The following STAG2 variants were observed in gnomAD, a reference collection of about 807,000 sequenced individuals.
The protein encoded by STAG2 is STAG2 cohesin complex component.
A neutral mutation model predicts 108.1 loss-of-function variants in STAG2; 14 were observed. That is an observed-to-expected ratio of 0.13 (90% CI 0.09 to 0.20). The LOEUF (loss-of-function observed/expected upper bound fraction) is 0.20, where lower values mean the gene tolerates loss of function less well. STAG2 is among the 10% of genes least tolerant of loss of function. STAG2 has a pLI of 1.00. For missense variants in STAG2, 440 were observed against 940.9 expected (o/e 0.47, Z 6.96); for synonymous variants, 307 against 302.7 (o/e 1.01, Z -0.15).
intron 4 of STAG2, among the ~76,000 whole-genome samples, chrX:124,026,908 A>G (rs181837683): frequency 1.9e-3 from 214 of 109,795 alleles, no homozygotes; most frequent in African/African-American, 6.9e-3. Flanking sequence ...GTTTTTTTGG[A>G]GATGGGGTCT....
intron 34 of STAG2, 65 bp downstream of exon 34, chrX:124,095,514 A>T (rs2059356067): frequency 5.6e-6 from 5 of 897,314 alleles, no homozygotes; most frequent in Non-Finnish European, 8.1e-6. Context: ...TCTCAGTTTG[A>T]GGTTGAAGAC....
chrX:123,987,388 A>G (rs1351305938), intron 1 of STAG2, among the ~76,000 whole-genome samples: 2 of 111,025 alleles, frequency 1.8e-5, no homozygotes, highest in Non-Finnish European at 3.8e-5. Flanking sequence ...ACCTGGGACT[A>G]CAGGCATGCA....
chrX:123,968,498 A>G (rs2054208101), intron 1 of STAG2, among the ~76,000 whole-genome samples: 1 of 111,184 alleles, frequency 9.0e-6, no homozygotes, highest in Non-Finnish European at 1.9e-5. Context: ...CATCTCTACA[A>G]AAAAATTTAA....
At chrX:124,028,354 G>A (rs1474706852) in intron 4 of STAG2, among the ~76,000 whole-genome samples, 2 of 111,451 alleles carry the variant, frequency 1.8e-5, no homozygotes, top group Non-Finnish European at 3.8e-5. Context: ...GCGTGGATAT[G>A]CTGGACAAAG....
At chrX:123,985,651 A>T (rs1291669868) in intron 1 of STAG2, among the ~76,000 whole-genome samples, 1 of 108,967 alleles carries the variant, frequency 9.2e-6, no homozygotes, top group African/African-American at 3.4e-5. Flanking sequence ...GCTCACTGCA[A>T]CCTCAAACTC....
intron 5 of STAG2, among the ~76,000 whole-genome samples, chrX:124,032,426 T>C (rs2148074258): frequency 8.9e-6 from 1 of 111,753 alleles, no homozygotes; most frequent in African/African-American, 3.2e-5. Context: ...AAGGAGTATA[T>C]ATACTTAATA....
intron 1 of STAG2, among the ~76,000 whole-genome samples, chrX:124,001,958 T>C (rs912220117): frequency 8.9e-6 from 1 of 112,237 alleles, no homozygotes; most frequent in African/African-American, 3.2e-5. Flanking sequence ...GCTGGGTGGC[T>C]CACACCTGTA....
intron 25 of STAG2, among the ~76,000 whole-genome samples, chrX:124,072,850 A>G (rs1343878015): frequency 1.9e-5 from 2 of 102,947 alleles, no homozygotes; most frequent in Non-Finnish European, 3.9e-5. Context: ...ATAGGTGCCC[A>G]CCACCACGCC....
In STAG2 at chrX:124,100,904, TAAC is replaced by T. The variant is rs1005798132; in HGVS notation, c.*310_*312del. 5 of 204,186 alleles carry T rather than the reference TAAC, an allele frequency of 2.4e-5. No homozygotes were observed. Among genetic ancestry groups the T allele is most frequent in the Admixed American group, 7.3e-5 (1 of 13,692 alleles). The allele number at this position is 204,186 out of a possible 1,213,427, so 16.8% of individuals were successfully genotyped here. A position where few individuals can be genotyped will look rare whatever the true frequency, so the allele number is the denominator to read the frequency against. On this transcript the variant is annotated 3_prime_UTR_variant, in exon 35 of 35. Coordinates refer to ENST00000371145, the MANE Select transcript of STAG2 (RefSeq NM_001042750.2). The stretch of plus-strand genomic sequence containing the variant: ...TTTTTAAAAAAAAAAAAAAACAAAA[TAAC>T]AATCTGAAGAGGCATTTGGTACAGA...
At chrX:124,010,898 A>G (rs1388337804) in intron 1 of STAG2, among the ~76,000 whole-genome samples, 2 of 111,201 alleles carry the variant, frequency 1.8e-5, no homozygotes, top group Non-Finnish European at 3.8e-5. Context: ...ATTCTATATG[A>G]ATTTTCAGCT....
intron 25 of STAG2, among the ~76,000 whole-genome samples, chrX:124,074,930 T>C (rs1421022672): frequency 1.8e-5 from 2 of 112,351 alleles, no homozygotes; most frequent in Non-Finnish European, 3.8e-5. Context: ...ACAGAGCTAT[T>C]AAGAAAATGT....
rs150831263 is a variant in STAG2 at position 124,032,775 on chromosome X, T to C, written c.288+1650T>C. Among the ~76,000 whole-genome samples the C allele has an allele frequency of 8.0e-3, 903 of 112,447 alleles. 12 individuals carry two copies. Among genetic ancestry groups the C allele is most frequent in the African/African-American group, 0.027 (843 of 31,007 alleles). On this transcript the variant is annotated intron_variant, in intron 5 of 34. Coordinates refer to ENST00000371145, the MANE Select transcript of STAG2 (RefSeq NM_001042750.2). ...TGTGAAAGACACAATTGCATTCTTT[T>C]TTATGACTGTGGAGAATAGTATTTC...
At chrX:124,086,894 TG>T in intron 30 of STAG2, 124 bp downstream of exon 30, 1 of 579,894 alleles carries the variant, frequency 1.7e-6, no homozygotes, top group Non-Finnish European at 2.6e-6. Context: ...GTGTTCATTA[TG>T]TGTAAACATG....
intron 8 of STAG2, 59 bp downstream of exon 8, chrX:124,045,427 C>A: frequency 1.0e-6 from 1 of 992,625 alleles, no homozygotes; most frequent in South Asian, 2.3e-5. Context: ...AAAAGATTCT[C>A]ATTTAAAGAG....
chrX:124,066,034 T>C (rs2058514060), intron 21 of STAG2, 88 bp downstream of exon 21: 1 of 972,609 alleles, frequency 1.0e-6, no homozygotes, highest in African/African-American at 2.0e-5. Context: ...CTAAGCTAAT[T>C]TGTTGTTGTC....
At chrX:123,998,315 C>G (rs1331001859) in intron 1 of STAG2, among the ~76,000 whole-genome samples, 1 of 105,059 alleles carries the variant, frequency 9.5e-6, no homozygotes, top group Non-Finnish European at 1.9e-5. Context: ...TACAGGTGCT[C>G]GCCACCATGC....
At chrX:124,004,600 C>G (rs1479440088) in intron 1 of STAG2, among the ~76,000 whole-genome samples, 3 of 111,777 alleles carry the variant, frequency 2.7e-5, no homozygotes, top group East Asian at 5.6e-4. Flanking sequence ...TCCATTCATT[C>G]ATTGATAGAT....
At chrX:123,998,249 A>G (rs1297019640) in intron 1 of STAG2, among the ~76,000 whole-genome samples, 2 of 102,409 alleles carry the variant, frequency 2.0e-5, no homozygotes, top group Non-Finnish European at 4.0e-5. Context: ...GTTCACTGCA[A>G]CCTCTGCTTC....
At chrX:124,080,228 C>A (rs1265248953) in intron 27 of STAG2, among the ~76,000 whole-genome samples, 1 of 111,020 alleles carries the variant, frequency 9.0e-6, no homozygotes, top group African/African-American at 3.3e-5. Context: ...ACTTACTTAT[C>A]CTGTCCTACT....
Sources: allele counts gnomAD v4.1 joint callset (sites outside exome capture counted in the v4.1 genomes callset), GRCh38; gene constraint gnomAD v4.1.1; transcripts MANE v1.5; gene names NCBI Gene and HGNC (gene_info 2026-07-23, HGNC 2026-07-21).